The following CTNNA3 variants were observed in gnomAD, a reference collection of about 807,000 sequenced individuals.
CTNNA3 encodes the protein catenin alpha 3.
Under a neutral mutation model 95.7 loss-of-function variants are expected in CTNNA3, and 76 were observed. That is an observed-to-expected ratio of 0.79 (90% CI 0.66 to 0.96). The LOEUF (loss-of-function observed/expected upper bound fraction) is 0.96, where lower values mean the gene tolerates loss of function less well. Among genes scored for constraint, CTNNA3 ranks in the 40% least tolerant of loss-of-function variants. CTNNA3 has a pLI of 0.00. For synonymous variants in CTNNA3, 431 were observed against 374.4 expected (o/e 1.15, Z -1.74); for missense variants, 1,191 against 1,089.8 (o/e 1.09, Z -1.31).
At chr10:65,945,517 A>G (rs554422149) in intron 17 of CTNNA3, among the ~76,000 whole-genome samples, 2 of 152,194 alleles carry the variant, frequency 1.3e-5, no homozygotes, top group African/African-American at 2.4e-5. Context: ...ATTCTGGTGT[A>G]CTAGGGTTGT....
At position 66,319,989 on chromosome 10, in the gene CTNNA3, T is replaced by C. The variant is rs77519804; in HGVS notation, c.1733-39368A>G. Among the ~76,000 whole-genome samples, 141 of 152,170 alleles carry C rather than the reference T, an allele frequency of 9.3e-4. 3 individuals carry two copies. The East Asian group carries it at 0.025, about 27-fold the overall frequency. ...ATTCAAGTTGATTCACAGAATTCAT[T>C]GCACTCTCCAATGCAGCTCCAGTAA... On this transcript the variant is annotated intron_variant, in intron 12 of 17. Transcript: ENST00000433211.
Position 66,481,530 on chromosome 10 carries a change from G to A in CTNNA3, c.1531+39087C>T, listed in dbSNP as rs540682179. Among the ~76,000 whole-genome samples the A allele has an allele frequency of 4.3e-4, 50 of 117,258 alleles. 4 individuals carry two copies. Among genetic ancestry groups the A allele is most frequent in the African/African-American group, 1.7e-3 (42 of 24,572 alleles). 76.9% of individuals were successfully genotyped at this position (117,258 alleles called of 152,430 possible). ...TCTGTCGCCCAGGCTGGACTGCAGTGGCACGATCTCGGCTCACTGCAAGCT... is the reference window on the plus strand; with the variant it reads ...TCTGTCGCCCAGGCTGGACTGCAGTAGCACGATCTCGGCTCACTGCAAGCT... On this transcript the variant is annotated intron_variant, in intron 11 of 17. Coordinates refer to ENST00000433211, the MANE Select transcript of CTNNA3 (RefSeq NM_013266.4).
At chr10:67,404,579 T>G (rs1845059730) in intron 5 of CTNNA3, among the ~76,000 whole-genome samples, 1 of 152,046 alleles carries the variant, frequency 6.6e-6, no homozygotes, top group Non-Finnish European at 1.5e-5. Flanking sequence ...AATCTATGAC[T>G]GATTGGGGTA....
At chr10:67,186,348 G>A (rs1862848767) in intron 6 of CTNNA3, among the ~76,000 whole-genome samples, 1 of 152,134 alleles carries the variant, frequency 6.6e-6, no homozygotes, top group South Asian at 2.1e-4. Context: ...GTTCACTCTA[G>A]CTTCTGCTCT....
intron 12 of CTNNA3, among the ~76,000 whole-genome samples, chr10:66,310,772 C>T (rs1039869118): frequency 1.3e-5 from 2 of 151,254 alleles, no homozygotes; most frequent in African/African-American, 4.9e-5. Context: ...CTGCAAGCTC[C>T]GCCTCCCAGG....
chr10:66,115,673 C>T (rs866117156), intron 13 of CTNNA3, among the ~76,000 whole-genome samples: 3 of 151,842 alleles, frequency 2.0e-5, no homozygotes, highest in Admixed American at 6.6e-5. Flanking sequence ...TTTCAGAAAT[C>T]GTTAAGCTGC....
intron 13 of CTNNA3, among the ~76,000 whole-genome samples, chr10:66,262,058 G>A (rs1005853032): frequency 6.6e-6 from 1 of 151,512 alleles, no homozygotes; most frequent in Non-Finnish European, 1.5e-5. Flanking sequence ...CACATATTGG[G>A]CAAAAAAAAC....
At chr10:66,029,173 A>G (rs2133451135) in intron 15 of CTNNA3, among the ~76,000 whole-genome samples, 2 of 152,216 alleles carry the variant, frequency 1.3e-5, no homozygotes, top group East Asian at 3.9e-4. Flanking sequence ...ATAGCTTCTA[A>G]TTGGCCTTTT....
intron 13 of CTNNA3, among the ~76,000 whole-genome samples, chr10:66,231,878 C>T (rs1021481248): frequency 1.3e-5 from 2 of 152,152 alleles, no homozygotes; most frequent in Admixed American, 6.5e-5. Flanking sequence ...CTCTCTACTC[C>T]TCCTCCTTAC....
chr10:67,439,447 C>T (rs376959338), intron 5 of CTNNA3, among the ~76,000 whole-genome samples: 9 of 152,000 alleles, frequency 5.9e-5, no homozygotes, highest in South Asian at 4.2e-4. Flanking sequence ...CTTACATGGC[C>T]GGAGCAAGAG....
chr10:66,915,213 A>C (rs756702294), intron 7 of CTNNA3, among the ~76,000 whole-genome samples: 2 of 151,918 alleles, frequency 1.3e-5, no homozygotes, highest in African/African-American at 2.4e-5. Context: ...AAAAGCACGA[A>C]CCAAAGTATA....
chr10:67,418,453 C>A (rs1442593365), intron 5 of CTNNA3, among the ~76,000 whole-genome samples: 4 of 149,358 alleles, frequency 2.7e-5, no homozygotes, highest in Admixed American at 6.7e-5. Flanking sequence ...TATCTATCAA[C>A]ACATAAATAA....
intron 15 of CTNNA3, among the ~76,000 whole-genome samples, chr10:66,013,163 A>G (rs1346055482): frequency 6.6e-6 from 1 of 152,222 alleles, no homozygotes; most frequent in Non-Finnish European, 1.5e-5. Context: ...GGGTTCCCAA[A>G]GTGCTAGGAT....
intron 5 of CTNNA3, among the ~76,000 whole-genome samples, chr10:67,318,499 A>G (rs1841164426): frequency 6.6e-6 from 1 of 152,238 alleles, no homozygotes; most frequent in African/African-American, 2.4e-5. Flanking sequence ...GCACACATGC[A>G]TAAACCAAAG....
intron 5 of CTNNA3, among the ~76,000 whole-genome samples, chr10:67,474,809 C>T (rs1052068472): frequency 6.6e-6 from 1 of 152,162 alleles, no homozygotes; most frequent in African/African-American, 2.4e-5. Flanking sequence ...AACTGAAACT[C>T]TTATTCATTG....
intron 7 of CTNNA3, among the ~76,000 whole-genome samples, chr10:67,127,895 T>C (rs902695165): frequency 6.7e-6 from 1 of 150,276 alleles, no homozygotes; most frequent in Admixed American, 6.6e-5. Context: ...TGTGTGTGCA[T>C]GTGCGTGCAC....
chr10:66,135,119 A>G (rs546780401), intron 13 of CTNNA3, among the ~76,000 whole-genome samples: 1 of 152,340 alleles, frequency 6.6e-6, no homozygotes, highest in East Asian at 1.9e-4. Context: ...AATAAGAGGT[A>G]TTATTTTTCA....
At chr10:65,949,955 G>A (rs2077581933) in intron 17 of CTNNA3, among the ~76,000 whole-genome samples, 1 of 152,108 alleles carries the variant, frequency 6.6e-6, no homozygotes, top group Non-Finnish European at 1.5e-5. Flanking sequence ...ACTCTACAAT[G>A]TTCAAGGAAG....
chr10:66,770,968 G>C (rs1253281125), intron 8 of CTNNA3, among the ~76,000 whole-genome samples: 1 of 152,064 alleles, frequency 6.6e-6, no homozygotes, highest in African/African-American at 2.4e-5. Flanking sequence ...TTATTTCACT[G>C]TGTATGTACT....
Sources: gnomAD v4.1 joint callset for allele counts (sites outside exome capture counted in the v4.1 genomes callset) on GRCh38, gnomAD v4.1.1 for gene constraint, MANE v1.5 for transcripts, NCBI Gene and HGNC (gene_info 2026-07-23, HGNC 2026-07-21) for gene names.